The following PCCA variants were observed in gnomAD, a reference collection of about 807,000 sequenced individuals.
PCCA encodes propionyl-CoA carboxylase alpha chain, mitochondrial.
In PCCA, 74 loss-of-function variants were observed where a neutral mutation model predicts 101.3. The ratio of observed to expected loss-of-function variants is 0.73; its 90% CI spans 0.61 to 0.89. The LOEUF is 0.89. Ranked by LOEUF, PCCA falls within the 40% of genes least tolerant of loss-of-function variation. PCCA has a pLI of 0.00. For synonymous variants in PCCA, 294 were observed against 313.6 expected (o/e 0.94, Z 0.66); for missense variants, 891 against 907.0 (o/e 0.98, Z 0.23).
intron 22 of PCCA, among the ~76,000 whole-genome samples, chr13:100,516,503 TTGAA>T (rs1566495063): frequency 6.6e-6 from 1 of 152,234 alleles, no homozygotes; most frequent in African/African-American, 2.4e-5. Context: ...TTTTAGTTGT[TTGAA>T]TGACCAGCCC....
intron 6 of PCCA, among the ~76,000 whole-genome samples, chr13:100,175,041 C>T (rs2056109114): frequency 6.6e-6 from 1 of 152,090 alleles, no homozygotes; most frequent in Admixed American, 6.5e-5. Context: ...GATGAACAGA[C>T]TATAATCTTC....
intron 19 of PCCA, among the ~76,000 whole-genome samples, chr13:100,385,342 C>T (rs2076438834): frequency 6.6e-6 from 1 of 151,950 alleles, no homozygotes; most frequent in Non-Finnish European, 1.5e-5. Flanking sequence ...AACAGGTAAG[C>T]CAAAAAACCA....
chr13:100,484,979 A>G (rs1331320775), intron 21 of PCCA, among the ~76,000 whole-genome samples: 1 of 152,068 alleles, frequency 6.6e-6, no homozygotes, highest in Non-Finnish European at 1.5e-5. Flanking sequence ...GACGACTTAA[A>G]TTTCACACTG....
At chr13:100,180,810 C>T (rs1428021418) in intron 6 of PCCA, among the ~76,000 whole-genome samples, 1 of 152,216 alleles carries the variant, frequency 6.6e-6, no homozygotes, top group Non-Finnish European at 1.5e-5. Context: ...CACAAATACT[C>T]AAATTCCAGT....
intron 21 of PCCA, among the ~76,000 whole-genome samples, chr13:100,497,733 A>C (rs2085378746): frequency 6.6e-6 from 1 of 152,202 alleles, no homozygotes; most frequent in Non-Finnish European, 1.5e-5. Context: ...AGGCAAAAAT[A>C]AATGTTCAAA....
intron 14 of PCCA, 54 bp from the exon 15 acceptor site, chr13:100,307,138 A>G (rs2066511948): frequency 7.5e-7 from 1 of 1,331,366 alleles, no homozygotes; most frequent in East Asian, 2.3e-5. Flanking sequence ...GGTGGTTACA[A>G]AAAAATATCT....
chr13:100,103,721 C>T (rs549947761), intron 2 of PCCA, among the ~76,000 whole-genome samples: 94 of 152,106 alleles, frequency 6.2e-4, no homozygotes, highest in African/African-American at 2.0e-3. Context: ...CTGCAACCTC[C>T]GCCTCCCGGC....
intron 4 of PCCA, among the ~76,000 whole-genome samples, chr13:100,152,737 C>T (rs533841890): frequency 3.3e-5 from 5 of 152,304 alleles, no homozygotes; most frequent in Admixed American, 6.5e-5. Context: ...TGAGCCACCG[C>T]GCCCGGCCTA....
At chr13:100,295,250 T>C (rs2065437611) in intron 12 of PCCA, among the ~76,000 whole-genome samples, 2 of 152,268 alleles carry the variant, frequency 1.3e-5, no homozygotes, top group Non-Finnish European at 2.9e-5. Flanking sequence ...GCATTGACCA[T>C]CCTTTCAGGC....
chr13:100,488,782 G>C (rs534437031), intron 21 of PCCA, among the ~76,000 whole-genome samples: 1 of 152,042 alleles, frequency 6.6e-6, no homozygotes, highest in African/African-American at 2.4e-5. Context: ...CTGCAATCTG[G>C]GCAGCAGAGC....
chr13:100,225,121 A>T (rs1014038862), intron 7 of PCCA, among the ~76,000 whole-genome samples: 2 of 152,360 alleles, frequency 1.3e-5, no homozygotes, highest in Non-Finnish European at 2.9e-5. Context: ...TTGGTAGACA[A>T]ATTAGGATCC....
intron 6 of PCCA, among the ~76,000 whole-genome samples, chr13:100,157,725 G>T (rs1480844306): frequency 6.6e-6 from 1 of 152,086 alleles, no homozygotes; most frequent in Non-Finnish European, 1.5e-5. Flanking sequence ...TATTTTGGGT[G>T]AAGTTGTTTT....
At chr13:100,104,828 C>T (rs1322186125) in intron 2 of PCCA, among the ~76,000 whole-genome samples, 1 of 152,142 alleles carries the variant, frequency 6.6e-6, no homozygotes, top group South Asian at 2.1e-4. Flanking sequence ...CTCAGCCTCC[C>T]GAGTAGCTGG....
At chr13:100,464,880 A>C (rs1455693776) in intron 21 of PCCA, among the ~76,000 whole-genome samples, 1 of 152,206 alleles carries the variant, frequency 6.6e-6, no homozygotes, top group Non-Finnish European at 1.5e-5. Context: ...AGGACATTTT[A>C]TGACAGTGCC....
chr13:100,468,579 C>G (rs1281775247), intron 21 of PCCA, among the ~76,000 whole-genome samples: 2 of 152,158 alleles, frequency 1.3e-5, no homozygotes, highest in Non-Finnish European at 2.9e-5. Context: ...TTCTTTAAAC[C>G]TCATGAATCA....
intron 16 of PCCA, among the ~76,000 whole-genome samples, chr13:100,320,989 T>TC (rs1045175281): frequency 6.6e-6 from 1 of 152,078 alleles, no homozygotes; most frequent in South Asian, 2.1e-4. Flanking sequence ...CAAGCAGTCC[T>TC]CCTCCCTCAG....
intron 21 of PCCA, among the ~76,000 whole-genome samples, chr13:100,476,415 T>C (rs1255362090): frequency 6.6e-6 from 1 of 152,212 alleles, no homozygotes; most frequent in East Asian, 1.9e-4. Flanking sequence ...TACATGTGTT[T>C]GTAAGGGATG....
At position 100,529,077 on chromosome 13, in the gene PCCA, T is replaced by C. The variant is rs2088137473; in HGVS notation, c.2119-1021T>C. Among the ~76,000 whole-genome samples, 4 of 152,150 alleles carry C rather than the reference T, an allele frequency of 2.6e-5. No homozygotes were observed. The South Asian group carries it at 6.2e-4, about 24-fold the overall frequency. On this transcript the variant is annotated intron_variant, in intron 23 of 23. Transcript: ENST00000376285. ...GGCCCTCCTAGTTGGAGTCTTCCTG[T>C]GCATTCTGTTCACCTCACCCCATCC...
chr13:100,293,290 AC>A (rs1304559692), intron 12 of PCCA: 3 of 471,024 alleles, frequency 6.4e-6, no homozygotes, highest in Non-Finnish European at 1.3e-5. Context: ...TGAAGGCTAT[AC>A]ACTCTAATCT....
Sources: allele counts gnomAD v4.1 joint callset (sites outside exome capture counted in the v4.1 genomes callset), GRCh38; gene constraint gnomAD v4.1.1; transcripts MANE v1.5; gene names NCBI Gene and HGNC (gene_info 2026-07-23, HGNC 2026-07-21).